RFX6: variants seen among roughly 807,000 people sequenced by gnomAD.
The protein encoded by RFX6 is DNA-binding protein RFX6.
Under a neutral mutation model 110.8 loss-of-function variants are expected in RFX6, and 50 were observed. That is an observed-to-expected ratio of 0.45 (90% CI 0.36 to 0.57). RFX6 has a LOEUF of 0.57. Ranked by LOEUF, RFX6 falls within the 20% of genes least tolerant of loss-of-function variation. RFX6 has a pLI of 0.00. For missense variants in RFX6, 990 were observed against 1,127.0 expected, an observed-to-expected ratio of 0.88 and a Z score of 1.74; for synonymous variants, 383 against 411.2, an observed-to-expected ratio of 0.93 and a Z score of 0.83.
chr6:116,905,621 C>T (rs559382500), intron 6 of RFX6, among the ~76,000 whole-genome samples: 1 of 150,360 alleles, frequency 6.7e-6, no homozygotes, highest in East Asian at 2.0e-4. Flanking sequence ...GGTGCAGTCT[C>T]GGCTCACTGC....
intron 6 of RFX6, among the ~76,000 whole-genome samples, chr6:116,898,814 G>C (rs1775006012): frequency 6.6e-6 from 1 of 151,852 alleles, no homozygotes; most frequent in Non-Finnish European, 1.5e-5. Context: ...AAAAATCATG[G>C]AAAGAAAGTA....
At chr6:116,883,544 A>G (rs1333308453) in intron 4 of RFX6, among the ~76,000 whole-genome samples, 1 of 152,156 alleles carries the variant, frequency 6.6e-6, no homozygotes, top group East Asian at 1.9e-4. Context: ...TTTATCCAAA[A>G]CATTATTATC....
chr6:116,902,373 CA>C (rs1562139299), intron 6 of RFX6, among the ~76,000 whole-genome samples: 1 of 151,532 alleles, frequency 6.6e-6, no homozygotes, highest in African/African-American at 2.4e-5. Context: ...ACAACAACAA[CA>C]AAAAACAACA....
intron 2 of RFX6, among the ~76,000 whole-genome samples, chr6:116,879,848 A>C (rs1412968129): frequency 1.3e-5 from 2 of 152,004 alleles, no homozygotes; most frequent in Non-Finnish European, 2.9e-5. Context: ...GAATTACTTC[A>C]AATTTTCAAA....
Position 116,925,633 on chromosome 6 carries a change from G to C in RFX6, c.1859G>C (p.Gly620Ala). The change falls in exon 16 of 19, where the codon GGG becomes GCG. Residue 620 changes from glycine to alanine, a missense_variant. Gly to Ala is a moderately conservative substitution (Grantham distance 60). Coordinates refer to ENST00000332958, the MANE Select transcript of RFX6 (RefSeq NM_173560.4). ...LGPALHQFPA[G>A]NTDNMPLTGQ... ...CCTGCTCTGCACCAGTTCCCTGCTGGGAACACAGACAACATGCCGCTCACA... is the reference window on the plus strand; with the variant it reads ...CCTGCTCTGCACCAGTTCCCTGCTGCGAACACAGACAACATGCCGCTCACA... 1.2e-6 allele frequency: 2 copies of C among 1,613,810 alleles called. No individual in the cohort carries two copies. The highest frequency in any genetic ancestry group is 3.3e-4 in the Middle Eastern group (2 of 6,056).
chr6:116,918,209 C>A, intron 10 of RFX6, 123 bp downstream of exon 10: 1 of 780,086 alleles, frequency 1.3e-6, no homozygotes. Context: ...CTACTTTTGT[C>A]CCTTTGTATT....
chr6:116,888,523 T>C (rs1193434558), intron 4 of RFX6, among the ~76,000 whole-genome samples: 1 of 152,184 alleles, frequency 6.6e-6, no homozygotes, highest in Non-Finnish European at 1.5e-5. Flanking sequence ...TTGAAGAGAT[T>C]AGCTAATCAT....
chr6:116,929,023 G>C, intron 18 of RFX6, 52 bp downstream of exon 18: 5 of 1,117,746 alleles, frequency 4.5e-6, no homozygotes, highest in Non-Finnish European at 6.9e-6. Flanking sequence ...GTTAACCTCA[G>C]GTATGCAACA....
intron 12 of RFX6, among the ~76,000 whole-genome samples, chr6:116,920,713 T>C (rs893690022): frequency 2.0e-5 from 3 of 152,158 alleles, no homozygotes; most frequent in Non-Finnish European, 4.4e-5. Flanking sequence ...AAAATATTTT[T>C]AATTAAAAAA....
intron 13 of RFX6, 144 bp downstream of exon 13, chr6:116,922,295 G>T: frequency 1.5e-6 from 1 of 662,218 alleles, no homozygotes; most frequent in Non-Finnish European, 2.7e-6. Context: ...TACGAATAAG[G>T]CAGGCCAAAT....
At position 116,925,592 on chromosome 6, in the gene RFX6, A is replaced by G. The variant is rs774396569; in HGVS notation, c.1818A>G (p.Gln606=). 1 of 1,613,930 alleles carries G rather than the reference A, an allele frequency of 6.2e-7. No homozygotes were observed. ...ETTYLPLPSS[Q]PGGLGPALHQ... Reference sequence around the variant, plus strand: ...CCTATCTCCCTCTGCCATCCAGTCAACCTGGAGGCCTAGGCCCTGCTCTGC... The same window carrying G: ...CCTATCTCCCTCTGCCATCCAGTCAGCCTGGAGGCCTAGGCCCTGCTCTGC... Residue 606 remains glutamine, a synonymous_variant, in exon 16 of 19, where the codon CAA becomes CAG. Coordinates refer to ENST00000332958, the MANE Select transcript of RFX6 (RefSeq NM_173560.4).
chr6:116,890,320 G>A (rs1446089888), intron 4 of RFX6, among the ~76,000 whole-genome samples: 1 of 152,112 alleles, frequency 6.6e-6, no homozygotes, highest in Non-Finnish European at 1.5e-5. Flanking sequence ...TTCTTTGCAT[G>A]TAATAGATGC....
At chr6:116,909,735 CTTTTTTTTT>C (rs59264999) in intron 6 of RFX6, among the ~76,000 whole-genome samples, 9 of 67,378 alleles carry the variant, frequency 1.3e-4, no homozygotes, top group African/African-American at 2.4e-4. Context: ...TCATTTAAAT[CTTTTTTTTT>C]TTTTTTTTTT....
At position 116,932,067 on chromosome 6, in the gene RFX6, C is replaced by T. The variant is rs115428834; in HGVS notation, c.*561C>T. On this transcript the variant is annotated 3_prime_UTR_variant, in exon 19 of 19. Transcript: ENST00000332958. ...TGTGATGATTTCTGTCACATAGCAGCATTCCGATTCTATGTAACTGAATGG... is the reference window on the plus strand; with the variant it reads ...TGTGATGATTTCTGTCACATAGCAGTATTCCGATTCTATGTAACTGAATGG... 728 of 153,488 alleles carry T rather than the reference C, an allele frequency of 4.7e-3. 4 individuals carry two copies. Among genetic ancestry groups the T allele is most frequent in the African/African-American group, 0.016 (678 of 41,570 alleles). The allele number at this position is 153,488 out of a possible 1,614,324, so 9.5% of individuals were successfully genotyped here.
At chr6:116,910,702 G>C (rs1031032340) in intron 6 of RFX6, among the ~76,000 whole-genome samples, 1 of 152,124 alleles carries the variant, frequency 6.6e-6, no homozygotes, top group East Asian at 1.9e-4. Context: ...AAAATTTGAA[G>C]TGATAGGAAA....
chr6:116,919,194 C>T lies in RFX6; in HGVS notation c.1080C>T (p.Ser360=), dbSNP rs1162676232. Residue 360 remains serine, a synonymous_variant, in exon 11 of 19, where the codon TCC becomes TCT. Transcript: ENST00000332958. ...ATTGGGAACAGTGGGTTGTTTCATC[C>T]TTGGAAAACTTGCCAGAAGCTCTAA... ...AKNWEQWVVS[S]LENLPEALTD... The T allele has an allele frequency of 6.2e-7, 1 of 1,613,566 alleles. No homozygotes were observed. The highest frequency in any genetic ancestry group is 1.7e-5 in the Admixed American group (1 of 59,968).
At chr6:116,909,613 AAAT>A (rs1775286885) in intron 6 of RFX6, among the ~76,000 whole-genome samples, 2 of 136,566 alleles carry the variant, frequency 1.5e-5, no homozygotes, top group South Asian at 2.4e-4. Flanking sequence ...GATAATTATT[AAAT>A]AATAGTTATT....
chr6:116,878,591 A>G (rs1185596588), intron 2 of RFX6, among the ~76,000 whole-genome samples: 1 of 152,010 alleles, frequency 6.6e-6, no homozygotes, highest in Admixed American at 6.5e-5. Context: ...ACATAGAGTG[A>G]ACATTTTGTA....
chr6:116,917,978 T>G (rs6936629), intron 9 of RFX6, 59 bp from the exon 10 acceptor site: 2 of 1,197,074 alleles, frequency 1.7e-6, no homozygotes, highest in East Asian at 2.3e-5. Context: ...ACCAATAATA[T>G]GTCTTTCTAT....
Sources: gnomAD v4.1 joint callset for allele counts (sites outside exome capture counted in the v4.1 genomes callset) on GRCh38, gnomAD v4.1.1 for gene constraint, MANE v1.5 for transcripts, NCBI Gene and HGNC (gene_info 2026-07-23, HGNC 2026-07-21) for gene names.